The following PIK3C2G variants were observed in gnomAD, a reference collection of about 807,000 sequenced individuals.
PIK3C2G encodes phosphatidylinositol-4-phosphate 3-kinase catalytic subunit type 2 gamma.
PIK3C2G carries 168 observed loss-of-function variants against 181.1 expected under a neutral mutation model. That is an observed-to-expected ratio of 0.93 (90% CI 0.82 to 1.05). PIK3C2G has a LOEUF of 1.05. Ranked by LOEUF, PIK3C2G falls within the 50% of genes least tolerant of loss-of-function variation. PIK3C2G has a pLI of 0.00. For synonymous variants in PIK3C2G, 573 were observed against 592.2 expected (o/e 0.97, Z 0.47); for missense variants, 1,869 against 1,732.8 (o/e 1.08, Z -1.40).
At chr12:18,719,246 T>C in the PIK3C2G span, among the ~76,000 whole-genome samples, 5 of 152,144 alleles carry the variant, frequency 3.3e-5, no homozygotes, top group Non-Finnish European at 5.9e-5. Flanking sequence ...TACAATAAAT[T>C]ACGTTGCCAC....
chr12:18,467,805 T>C (rs1231328816), intron 18 of PIK3C2G, among the ~76,000 whole-genome samples: 1 of 151,798 alleles, frequency 6.6e-6, no homozygotes, highest in Non-Finnish European at 1.5e-5. Flanking sequence ...ATCCAGCACA[T>C]CTTATAGAAA....
chr12:18,385,053 C>G (rs1253247671), intron 14 of PIK3C2G, among the ~76,000 whole-genome samples: 1 of 151,866 alleles, frequency 6.6e-6, no homozygotes, highest in Non-Finnish European at 1.5e-5. Flanking sequence ...TCCAGTGTTT[C>G]GTTAGGGAGT....
intron 12 of PIK3C2G, among the ~76,000 whole-genome samples, chr12:18,369,052 C>G (rs947525280): frequency 2.6e-5 from 4 of 152,158 alleles, no homozygotes; most frequent in Non-Finnish European, 5.9e-5. Context: ...ATCTTCAGTA[C>G]TCTAATAATC....
intron 18 of PIK3C2G, among the ~76,000 whole-genome samples, chr12:18,460,063 C>T (rs1212696076): frequency 6.6e-6 from 1 of 152,124 alleles, no homozygotes; most frequent in Non-Finnish European, 1.5e-5. Flanking sequence ...TCGCACCCAG[C>T]CCTTCTTTTT....
At chr12:18,405,412 T>A (rs974730772) in intron 16 of PIK3C2G, among the ~76,000 whole-genome samples, 4 of 148,298 alleles carry the variant, frequency 2.7e-5, no homozygotes, top group African/African-American at 5.3e-5. Context: ...GTTGTTGTTG[T>A]TGTTGTTGTT....
intron 1 of PIK3C2G, among the ~76,000 whole-genome samples, chr12:18,263,041 AATT>A (rs763265654): frequency 1.7e-4 from 26 of 152,112 alleles, no homozygotes; most frequent in Middle Eastern, 3.2e-3. Flanking sequence ...TTGCATTTTA[AATT>A]ATTATGATTT....
intron 24 of PIK3C2G, among the ~76,000 whole-genome samples, chr12:18,509,487 C>T (rs747498950): frequency 6.6e-6 from 1 of 152,136 alleles, no homozygotes; most frequent in Admixed American, 6.5e-5. Flanking sequence ...ATCACCATTC[C>T]GGAACATCTC....
At chr12:18,405,106 T>G (rs544034834) in intron 16 of PIK3C2G, among the ~76,000 whole-genome samples, 1 of 152,264 alleles carries the variant, frequency 6.6e-6, no homozygotes, top group African/African-American at 2.4e-5. Context: ...ATAAAAGTTT[T>G]AGATGAAAGA....
intron 1 of PIK3C2G, among the ~76,000 whole-genome samples, chr12:18,267,327 A>G (rs1948544147): frequency 6.6e-6 from 1 of 151,702 alleles, no homozygotes; most frequent in South Asian, 2.1e-4. Context: ...CTACTTTTTA[A>G]TTTTATAGAT....
At position 18,282,728 on chromosome 12, in the gene PIK3C2G, T is replaced by C. The variant is rs199657792; in HGVS notation, c.647T>C (p.Met216Thr). Residue 216 changes from methionine to threonine, a missense_variant, in exon 2 of 33, where the codon ATG (methionine) becomes ACG (threonine). Met to Thr is a moderately conservative substitution (Grantham distance 81). Coordinates refer to ENST00000538779, the MANE Select transcript of PIK3C2G (RefSeq NM_001288772.2). Reference sequence around the variant, plus strand: ...TTGAAAGGCTCTCTTCAACCCGGAATGTGGGAAAGTACATGGCAGAAGAAT... The same window carrying C: ...TTGAAAGGCTCTCTTCAACCCGGAACGTGGGAAAGTACATGGCAGAAGAAT... ...MLLKGSLQPGMWESTWQKNIE... is the reference protein window; with the variant it reads ...MLLKGSLQPGTWESTWQKNIE... 1.9e-6 allele frequency: 3 copies of C among 1,610,154 alleles called. No individual in the cohort carries two copies. In the East Asian group the frequency reaches 6.7e-5, roughly 36 times the overall value.
intron 18 of PIK3C2G, among the ~76,000 whole-genome samples, chr12:18,430,461 A>G (rs1472603168): frequency 1.3e-5 from 2 of 152,222 alleles, no homozygotes; most frequent in African/African-American, 4.8e-5. Context: ...AGCTCTATCA[A>G]TGTAAGGATC....
At chr12:18,426,346 G>A (rs1023977293) in intron 18 of PIK3C2G, among the ~76,000 whole-genome samples, 3 of 151,884 alleles carry the variant, frequency 2.0e-5, no homozygotes, top group Non-Finnish European at 4.4e-5. Context: ...ATATAATTGA[G>A]AGTTAAGAAT....
intron 5 of PIK3C2G, among the ~76,000 whole-genome samples, chr12:18,301,759 G>A (rs1351674107): frequency 6.6e-6 from 1 of 151,908 alleles, no homozygotes; most frequent in Admixed American, 6.6e-5. Context: ...TTCTCTTGAA[G>A]ATTCATATTT....
At chr12:18,617,357 T>C (rs1385413816) in intron 31 of PIK3C2G, among the ~76,000 whole-genome samples, 1 of 152,178 alleles carries the variant, frequency 6.6e-6, no homozygotes, top group Non-Finnish European at 1.5e-5. Context: ...TCCAGGTTTT[T>C]TGTCTTCAGT....
chr12:18,705,142 G>C, the PIK3C2G span: 2 of 1,612,660 alleles, frequency 1.2e-6, no homozygotes, highest in Non-Finnish European at 1.7e-6. Context: ...TTCTTAACCT[G>C]AGTTTCTCAG....
upstream of PIK3C2G, among the ~76,000 whole-genome samples, chr12:18,246,341 A>G (rs556793618): frequency 1.3e-5 from 2 of 152,284 alleles, no homozygotes; most frequent in South Asian, 4.1e-4. Context: ...AGCCCATCAC[A>G]AGTGAATCCA....
At chr12:18,443,781 A>G (rs2135843287) in intron 18 of PIK3C2G, among the ~76,000 whole-genome samples, 1 of 152,328 alleles carries the variant, frequency 6.6e-6, no homozygotes, top group African/African-American at 2.4e-5. Context: ...CACTAACTTT[A>G]ATAATTGTTG....
intron 3 of PIK3C2G, among the ~76,000 whole-genome samples, chr12:18,287,825 C>T (rs1949515802): frequency 6.6e-6 from 1 of 150,604 alleles, no homozygotes. Flanking sequence ...CACATCATTG[C>T]ACTCCAGCCT....
At chr12:18,621,765 A>G (rs997588718) in intron 31 of PIK3C2G, among the ~76,000 whole-genome samples, 1 of 151,804 alleles carries the variant, frequency 6.6e-6, no homozygotes, top group Non-Finnish European at 1.5e-5. Context: ...AAAATCACCT[A>G]TTTATCATAA....
Sources: allele counts gnomAD v4.1 joint callset (sites outside exome capture counted in the v4.1 genomes callset), GRCh38; gene constraint gnomAD v4.1.1; transcripts MANE v1.5; gene names NCBI Gene and HGNC (gene_info 2026-07-23, HGNC 2026-07-21).